The following SLC25A26 variants were observed in gnomAD, a reference collection of about 807,000 sequenced individuals.
The protein encoded by SLC25A26 is mitochondrial S-adenosylmethionine carrier protein.
SLC25A26 carries 36 observed loss-of-function variants against 37.8 expected under a neutral mutation model. The observed-to-expected ratio is 0.95, with a 90% confidence interval of 0.73 to 1.26. The LOEUF is 1.26. Among genes scored for constraint, SLC25A26 ranks in the 50% most tolerant of loss-of-function variants. SLC25A26 has a pLI of 0.00. For missense variants in SLC25A26, 390 were observed against 331.1 expected (o/e 1.18, Z -1.38); for synonymous variants, 129 against 122.5 (o/e 1.05, Z -0.35).
At chr3:66,325,564 G>A (rs17044298) in intron 5 of SLC25A26, among the ~76,000 whole-genome samples, 5,679 of 152,148 alleles carry the variant, frequency 0.037, 338 homozygotes, top group African/African-American at 0.13. Flanking sequence ...ACCAGTTAAT[G>A]GCATTTTCCT....
intron 6 of SLC25A26, among the ~76,000 whole-genome samples, chr3:66,358,145 C>A (rs1193055251): frequency 6.6e-6 from 1 of 152,140 alleles, no homozygotes; most frequent in Non-Finnish European, 1.5e-5. Context: ...TGAGTAATGT[C>A]TTCCAGCTAG....
At chr3:66,271,160 T>C (rs1384285087) in intron 5 of SLC25A26, among the ~76,000 whole-genome samples, 1 of 152,186 alleles carries the variant, frequency 6.6e-6, no homozygotes, top group African/African-American at 2.4e-5. Context: ...TTGTTGTTCC[T>C]TTGTGGTTTT....
At chr3:66,188,077 A>G (rs2070864790) in intron 1 of SLC25A26, among the ~76,000 whole-genome samples, 1 of 152,084 alleles carries the variant, frequency 6.6e-6, no homozygotes, top group East Asian at 1.9e-4. Context: ...CTAACACTGA[A>G]CGTCACTCTA....
chr3:66,350,692 C>T (rs910619498), intron 6 of SLC25A26, among the ~76,000 whole-genome samples: 3 of 134,938 alleles, frequency 2.2e-5, no homozygotes, highest in Non-Finnish European at 4.9e-5. Context: ...GCCCTATACT[C>T]TGTGTGTGTG....
chr3:66,173,123 C>T (rs1284235488), intron 1 of SLC25A26, among the ~76,000 whole-genome samples: 3 of 152,120 alleles, frequency 2.0e-5, no homozygotes, highest in South Asian at 2.1e-4. Flanking sequence ...GATAAGCTAC[C>T]AGGAGCTCCA....
intron 5 of SLC25A26, among the ~76,000 whole-genome samples, chr3:66,305,402 T>C (rs1471758940): frequency 6.6e-6 from 1 of 152,246 alleles, no homozygotes; most frequent in Non-Finnish European, 1.5e-5. Flanking sequence ...AAAGGTGATG[T>C]TAACAGATAT....
rs782113584 is a variant in SLC25A26 at position 66,243,254 on chromosome 3, A to C, written c.242A>C (p.Asp81Ala). 7.5e-6 allele frequency: 12 copies of C among 1,609,922 alleles called. No individual in the cohort carries two copies. The highest frequency in any genetic ancestry group is 9.3e-6 in the Non-Finnish European group (11 of 1,177,554). The part of the protein sequence containing the change: ...YEYVKWFLHA[D>A]SSSYLTPMKH... ...TATGTGAAGTGGTTTTTGCATGCTG[A>C]TTCATCTTCATATTTGACACCTATG... The change falls in exon 3 of 10, where the codon GAT (aspartate) becomes GCT (alanine). Residue 81 changes from aspartate (D) to alanine (A), a missense_variant. Coordinates refer to ENST00000354883, the MANE Select transcript of SLC25A26 (RefSeq NM_001379210.1).
At chr3:66,356,478 G>A (rs1054896753) in intron 6 of SLC25A26, among the ~76,000 whole-genome samples, 2 of 152,118 alleles carry the variant, frequency 1.3e-5, no homozygotes, top group African/African-American at 4.8e-5. Flanking sequence ...AAAAAGTCAA[G>A]CTGATGTTTA....
At chr3:66,245,958 C>G (rs1256650652) in intron 3 of SLC25A26, among the ~76,000 whole-genome samples, 1 of 152,212 alleles carries the variant, frequency 6.6e-6, no homozygotes, top group Non-Finnish European at 1.5e-5. Context: ...ATTGCAGTCA[C>G]AATCCCCATT....
chr3:66,298,956 A>G (rs1480365773), intron 5 of SLC25A26, among the ~76,000 whole-genome samples: 1 of 152,232 alleles, frequency 6.6e-6, no homozygotes, highest in African/African-American at 2.4e-5. Flanking sequence ...GAAAAATTTT[A>G]ACATAAAAAC....
chr3:66,256,433 T>G (rs148810708), intron 3 of SLC25A26, among the ~76,000 whole-genome samples: 192 of 152,308 alleles, frequency 1.3e-3, no homozygotes, highest in Non-Finnish European at 2.1e-3. Flanking sequence ...ATAAATACTT[T>G]TTTCCTTTGA....
At chr3:66,301,106 G>C (rs9310233) in intron 5 of SLC25A26, among the ~76,000 whole-genome samples, 36,543 of 152,044 alleles carry the variant, frequency 0.24, 4,599 homozygotes, top group African/African-American at 0.29. Flanking sequence ...TGAAATGGAA[G>C]ATAGGGTTCA....
At chr3:66,349,193 T>G (rs1358696346) in intron 6 of SLC25A26, among the ~76,000 whole-genome samples, 1 of 152,240 alleles carries the variant, frequency 6.6e-6, no homozygotes, top group Non-Finnish European at 1.5e-5. Flanking sequence ...ATTTAAAAAT[T>G]CTCTTTGAGC....
intron 6 of SLC25A26, among the ~76,000 whole-genome samples, chr3:66,358,494 T>A (rs2076626395): frequency 6.6e-6 from 1 of 152,230 alleles, no homozygotes; most frequent in Non-Finnish European, 1.5e-5. Context: ...CGTGTGGAAG[T>A]AAAGTGTCTC....
chr3:66,287,493 C>G (rs1309570431), intron 5 of SLC25A26, among the ~76,000 whole-genome samples: 2 of 152,052 alleles, frequency 1.3e-5, no homozygotes, highest in Admixed American at 1.3e-4. Context: ...CATTACTATA[C>G]TGTTAATATG....
At chr3:66,370,908 T>G (rs1700312920) in intron 9 of SLC25A26, among the ~76,000 whole-genome samples, 1 of 152,198 alleles carries the variant, frequency 6.6e-6, no homozygotes, top group Non-Finnish European at 1.5e-5. Context: ...GGTTACACAG[T>G]GCAGAAATAC....
At chr3:66,193,929 C>T (rs1159187309) in intron 1 of SLC25A26, among the ~76,000 whole-genome samples, 1 of 152,194 alleles carries the variant, frequency 6.6e-6, no homozygotes, top group African/African-American at 2.4e-5. Context: ...TTAGGATGAT[C>T]ATTAGATGAT....
At chr3:66,168,472 TTCTTTAGAAAG>T (rs1461026020) in intron 1 of SLC25A26, among the ~76,000 whole-genome samples, 5 of 152,192 alleles carry the variant, frequency 3.3e-5, no homozygotes, top group African/African-American at 1.2e-4. Flanking sequence ...TCTTTTTTGG[TTCTTTAGAAAG>T]TCTTGCCTTT....
At chr3:66,237,028 G>A (rs2072324869) in intron 2 of SLC25A26, among the ~76,000 whole-genome samples, 1 of 152,076 alleles carries the variant, frequency 6.6e-6, no homozygotes, top group Admixed American at 6.6e-5. Context: ...GTAGAGAATG[G>A]GTTTTGCCAT....
Sources: gnomAD v4.1 joint callset for allele counts (sites outside exome capture counted in the v4.1 genomes callset) on GRCh38, gnomAD v4.1.1 for gene constraint, MANE v1.5 for transcripts, NCBI Gene and HGNC (gene_info 2026-07-23, HGNC 2026-07-21) for gene names.